The following FHIP1A variants were observed in gnomAD, a reference collection of about 807,000 sequenced individuals.
FHIP1A encodes the protein FHF complex subunit HOOK interacting protein 1A.
Under a neutral mutation model 88.6 loss-of-function variants are expected in FHIP1A, and 61 were observed. That is an observed-to-expected ratio of 0.69 (90% CI 0.56 to 0.85). The LOEUF (loss-of-function observed/expected upper bound fraction) is 0.85. FHIP1A is among the 40% of genes least tolerant of loss of function. FHIP1A has a pLI of 0.00. For synonymous variants in FHIP1A, 478 were observed against 496.0 expected (o/e 0.96, Z 0.48); for missense variants, 1,154 against 1,273.5 (o/e 0.91, Z 1.43).
chr4:151,536,503 C>T (rs1732075189), intron 3 of FHIP1A, among the ~76,000 whole-genome samples: 1 of 152,174 alleles, frequency 6.6e-6, no homozygotes, highest in African/African-American at 2.4e-5. Context: ...ACAAATCTAT[C>T]CTCCATTTCT....
chr4:151,433,032 T>C (rs574753712), intron 1 of FHIP1A, among the ~76,000 whole-genome samples: 1 of 152,210 alleles, frequency 6.6e-6, no homozygotes, highest in South Asian at 2.1e-4. Flanking sequence ...AGATACAGCT[T>C]ATTTTGGGAG....
chr4:151,540,177 T>C (rs1319088214), intron 3 of FHIP1A, among the ~76,000 whole-genome samples: 1 of 152,232 alleles, frequency 6.6e-6, no homozygotes, highest in African/African-American at 2.4e-5. Flanking sequence ...GTGTCATTTT[T>C]TAAAATGATT....
At chr4:151,637,123 A>G (rs1227657180) in intron 8 of FHIP1A, among the ~76,000 whole-genome samples, 1 of 152,164 alleles carries the variant, frequency 6.6e-6, no homozygotes, top group South Asian at 2.1e-4. Context: ...GTGCAAAATA[A>G]TAAGGCTGAA....
chr4:151,551,901 G>A (rs1226334779), intron 3 of FHIP1A, among the ~76,000 whole-genome samples: 1 of 152,124 alleles, frequency 6.6e-6, no homozygotes, highest in Non-Finnish European at 1.5e-5. Context: ...GCAACCTACA[G>A]AATGGGAGAA....
rs183785269 is a variant in FHIP1A at position 151,610,190 on chromosome 4, T to C, written c.979-19512T>C. Among the ~76,000 whole-genome samples, 219 of 152,372 alleles carry C rather than the reference T, an allele frequency of 1.4e-3. 1 individual carries two copies. The highest frequency in any genetic ancestry group is 4.7e-3 in the African/African-American group (195 of 41,588). ...GCAATAATAATAATGCTTTACCTTATAGGACTGGTGAAGAGTAAATGAGTT... is the reference window on the plus strand; with the variant it reads ...GCAATAATAATAATGCTTTACCTTACAGGACTGGTGAAGAGTAAATGAGTT... On this transcript the variant is annotated intron_variant, in intron 7 of 13. Coordinates refer to ENST00000435205, the MANE Select transcript of FHIP1A (RefSeq NM_001109977.3).
chr4:151,578,537 TG>T, intron 5 of FHIP1A, among the ~76,000 whole-genome samples: 1 of 152,110 alleles, frequency 6.6e-6, no homozygotes, highest in African/African-American at 2.4e-5. Context: ...CATAGGAACA[TG>T]GGGGGGTGGA....
intron 3 of FHIP1A, among the ~76,000 whole-genome samples, chr4:151,521,675 T>TTGTATGTA (rs35842414): frequency 5.6e-4 from 84 of 150,446 alleles, no homozygotes; most frequent in Non-Finnish European, 7.2e-4. Flanking sequence ...GTATGTCAGT[T>TTGTATGTA]TGTATGTATG....
chr4:151,476,916 T>A (rs751880122), intron 2 of FHIP1A, among the ~76,000 whole-genome samples: 2 of 151,970 alleles, frequency 1.3e-5, no homozygotes, highest in South Asian at 4.2e-4. Context: ...TACCTAAGAA[T>A]AAACTTAGGA....
In FHIP1A at chr4:151,650,545, C is replaced by T. The variant is rs1411984928; in HGVS notation, c.2504C>T (p.Ala835Val). ...CCATTTGTGGGGAGAGATGAGGCTG[C>T]CTTTGCCAGTCGCCATCCCGTGAGG... The part of the protein sequence containing the change: ...PSPFVGRDEA[A>V]FASRHPVRTQ... Residue 835 changes from alanine to valine, a missense_variant, in exon 11 of 14, where the codon GCC becomes GTC. Physicochemically the swap from Ala to Val is moderately conservative, Grantham distance 64. Coordinates refer to ENST00000435205, the MANE Select transcript of FHIP1A (RefSeq NM_001109977.3). The T allele has an allele frequency of 1.3e-6, 2 of 1,551,348 alleles. No individual in the cohort carries two copies. Among genetic ancestry groups the T allele is most frequent in the South Asian group, 2.4e-5 (2 of 84,026 alleles).
chr4:151,411,279 A>T (rs1354309191), intron 1 of FHIP1A, among the ~76,000 whole-genome samples: 2 of 151,412 alleles, frequency 1.3e-5, no homozygotes, highest in African/African-American at 4.9e-5. Context: ...GTACAAATAT[A>T]TTATGTAGAG....
chr4:151,484,188 TAAAG>T (rs1398581686), intron 3 of FHIP1A, among the ~76,000 whole-genome samples: 1 of 152,162 alleles, frequency 6.6e-6, no homozygotes, highest in Non-Finnish European at 1.5e-5. Context: ...ATTCTTATGA[TAAAG>T]AATTAGCCAC....
At chr4:151,433,054 T>C (rs1042523298) in intron 1 of FHIP1A, among the ~76,000 whole-genome samples, 2 of 152,160 alleles carry the variant, frequency 1.3e-5, no homozygotes, top group Non-Finnish European at 2.9e-5. Context: ...AGTTAGACTT[T>C]TGGCAAGTTC....
chr4:151,422,048 A>C (rs1406018024), intron 1 of FHIP1A, among the ~76,000 whole-genome samples: 1 of 151,920 alleles, frequency 6.6e-6, no homozygotes, highest in Non-Finnish European at 1.5e-5. Context: ...ACTGTTGTCA[A>C]ATTATATATG....
chr4:151,619,924 G>A (rs1735672701), intron 7 of FHIP1A, among the ~76,000 whole-genome samples: 1 of 152,094 alleles, frequency 6.6e-6, no homozygotes. Flanking sequence ...CAACTCACTA[G>A]CCAAAACATA....
intron 13 of FHIP1A, among the ~76,000 whole-genome samples, chr4:151,658,466 G>A (rs1000075014): frequency 6.6e-6 from 1 of 152,184 alleles, no homozygotes; most frequent in African/African-American, 2.4e-5. Context: ...TGATGGGGGT[G>A]TTTCTCACCA....
At chr4:151,493,314 G>A (rs1267950424) in intron 3 of FHIP1A, among the ~76,000 whole-genome samples, 10 of 152,102 alleles carry the variant, frequency 6.6e-5, no homozygotes, top group African/African-American at 9.7e-5. Flanking sequence ...ATAACAAGTA[G>A]TGAGATTGAA....
chr4:151,516,587 A>G (rs1731246547), intron 3 of FHIP1A, among the ~76,000 whole-genome samples: 1 of 152,174 alleles, frequency 6.6e-6, no homozygotes, highest in South Asian at 2.1e-4. Context: ...TCTACAATGA[A>G]CTCAAACAAA....
At chr4:151,574,245 G>C (rs565133575) in intron 4 of FHIP1A, among the ~76,000 whole-genome samples, 1 of 152,184 alleles carries the variant, frequency 6.6e-6, no homozygotes, top group South Asian at 2.1e-4. Flanking sequence ...GTTAGAGCTG[G>C]GTCTTCAATG....
chr4:151,430,167 C>T (rs1176385312), intron 1 of FHIP1A, among the ~76,000 whole-genome samples: 1 of 152,178 alleles, frequency 6.6e-6, no homozygotes, highest in Non-Finnish European at 1.5e-5. Context: ...TTCAGTTTTG[C>T]TTCTGGTTAT....
Sources: allele counts gnomAD v4.1 joint callset (sites outside exome capture counted in the v4.1 genomes callset), GRCh38; gene constraint gnomAD v4.1.1; transcripts MANE v1.5; gene names NCBI Gene and HGNC (gene_info 2026-07-23, HGNC 2026-07-21).